CMIP: variants seen among roughly 807,000 people sequenced by gnomAD.
CMIP encodes the protein C-Maf-inducing protein.
Under a neutral mutation model 97.3 loss-of-function variants are expected in CMIP, and 13 were observed. The observed-to-expected ratio is 0.13, with a 90% CI of 0.09 to 0.21. The LOEUF (loss-of-function observed/expected upper bound fraction) is 0.21, where lower values mean the gene tolerates loss of function less well. Among genes scored for constraint, CMIP ranks in the 10% least tolerant of loss-of-function variants. The pLI, the probability that CMIP is intolerant of heterozygous loss-of-function variation, is 1.00. For synonymous variants in CMIP, 538 were observed against 436.3 expected (o/e 1.23, Z -2.91); for missense variants, 847 against 1,024.9 (o/e 0.83, Z 2.37).
chr16:81,594,933 A>G (rs1368880208), intron 1 of CMIP, among the ~76,000 whole-genome samples: 1 of 151,842 alleles, frequency 6.6e-6, no homozygotes, highest in African/African-American at 2.4e-5. Flanking sequence ...GCCCGGCCAT[A>G]CCTATGATAA....
intron 1 of CMIP, among the ~76,000 whole-genome samples, chr16:81,474,708 G>T (rs1369246892): frequency 6.6e-6 from 1 of 152,220 alleles, no homozygotes; most frequent in Non-Finnish European, 1.5e-5. Context: ...AGTGTTGGCC[G>T]TGCTCATGGC....
At chr16:81,611,092 A>G (rs956408374) in intron 2 of CMIP, among the ~76,000 whole-genome samples, 2 of 152,218 alleles carry the variant, frequency 1.3e-5, no homozygotes, top group Non-Finnish European at 2.9e-5. Context: ...ATGGCAGCCC[A>G]CAGATGGATT....
intron 1 of CMIP, among the ~76,000 whole-genome samples, chr16:81,550,548 T>C (rs897504138): frequency 3.3e-5 from 5 of 152,176 alleles, no homozygotes; most frequent in Non-Finnish European, 7.4e-5. Context: ...CGTCAAAGAA[T>C]GTCTATGTGG....
At chr16:81,555,690 G>A (rs2090748416) in intron 1 of CMIP, among the ~76,000 whole-genome samples, 1 of 152,156 alleles carries the variant, frequency 6.6e-6, no homozygotes, top group African/African-American at 2.4e-5. Flanking sequence ...CCCCACCAGG[G>A]TATACTGTGC....
At position 81,614,332 on chromosome 16, in the gene CMIP, A is replaced by C. The variant is rs2091878307; in HGVS notation, c.427-6544A>C. On this transcript the variant is annotated intron_variant, in intron 2 of 20. Coordinates refer to ENST00000537098, the MANE Select transcript of CMIP (RefSeq NM_198390.3). The surrounding 1 kb of genome is among the most constrained non-coding windows in gnomAD (Gnocchi z 5.3). ...TGTTTCTAACTTGTGCTGTGTGTCC[A>C]CCATGGGCCAGTGGGGGAAGGGAGT... Among the ~76,000 whole-genome samples, 1 of 152,188 alleles carries C rather than the reference A, an allele frequency of 6.6e-6. No individual in the cohort carries two copies. The highest frequency in any genetic ancestry group is 6.5e-5 in the Admixed American group (1 of 15,276).
At chr16:81,630,169 A>T (rs1269562176) in intron 3 of CMIP, 3 of 152,238 alleles carry the variant, frequency 2.0e-5, no homozygotes, top group African/African-American at 7.2e-5. Context: ...CGGGGATTAA[A>T]TGGGTTCACA....
At chr16:81,497,231 C>T (rs1436764837) in intron 1 of CMIP, among the ~76,000 whole-genome samples, 2 of 152,200 alleles carry the variant, frequency 1.3e-5, no homozygotes, top group Non-Finnish European at 2.9e-5. Context: ...GCTCTGATGG[C>T]TCCCATTTAT....
intron 1 of CMIP, among the ~76,000 whole-genome samples, chr16:81,604,531 C>G (rs1253158810): frequency 6.6e-6 from 1 of 151,872 alleles, no homozygotes; most frequent in Non-Finnish European, 1.5e-5. Context: ...AACCCCATCT[C>G]TACTAAAAAT....
At chr16:81,576,965 A>G (rs2091199587) in intron 1 of CMIP, among the ~76,000 whole-genome samples, 1 of 152,130 alleles carries the variant, frequency 6.6e-6, no homozygotes, top group South Asian at 2.1e-4. Context: ...CACTGTCATC[A>G]TCACCACCAC....
At chr16:81,618,340 C>G (rs1215488897) in intron 2 of CMIP, among the ~76,000 whole-genome samples, 1 of 152,180 alleles carries the variant, frequency 6.6e-6, no homozygotes, top group Admixed American at 6.5e-5. Flanking sequence ...TGACTCTGCC[C>G]TCCTGCCTCC....
At chr16:81,587,531 C>T (rs115410652) in intron 1 of CMIP, among the ~76,000 whole-genome samples, 6 of 152,292 alleles carry the variant, frequency 3.9e-5, no homozygotes, top group South Asian at 4.1e-4. Flanking sequence ...ATCCCCATCA[C>T]GGTAAAGCTT....
rs546250918 is a variant in CMIP, at chr16:81,657,388, T to C, written c.640-387T>C. Among the ~76,000 whole-genome samples the C allele has an allele frequency of 2.1e-4, 32 of 152,304 alleles. No individual in the cohort carries two copies. The South Asian group carries it at 6.0e-3, about 29-fold the overall frequency. On this transcript the variant is annotated intron_variant, in intron 4 of 20. Coordinates refer to ENST00000537098, the MANE Select transcript of CMIP (RefSeq NM_198390.3). ...AAAGGTCTGTTTCTTTACATACTTA[T>C]TATGAACCTGCCTTCTGGCTTCTAA...
At chr16:81,601,749 G>C (rs1174921289) in intron 1 of CMIP, among the ~76,000 whole-genome samples, 35 of 152,098 alleles carry the variant, frequency 2.3e-4, no homozygotes, top group Non-Finnish European at 2.9e-5. Flanking sequence ...CGTCCCCCGG[G>C]GCCAGAACCC....
In CMIP at chr16:81,655,525, C is replaced by G. The variant is rs1351076313; in HGVS notation, c.640-2250C>G. Among the ~76,000 whole-genome samples the G allele has an allele frequency of 6.6e-6, 1 of 152,154 alleles. No homozygotes were observed. The highest frequency in any genetic ancestry group is 1.5e-5 in the Non-Finnish European group (1 of 68,024). ...AGTGGCTATTGGTGGACATGCTCTACCAGGGGTGGAAAATGGCCCTGGGGG... is the reference window on the plus strand; with the variant it reads ...AGTGGCTATTGGTGGACATGCTCTAGCAGGGGTGGAAAATGGCCCTGGGGG... On this transcript the variant is annotated intron_variant, in intron 4 of 20. Transcript: ENST00000537098. The surrounding 1 kb of genome is among the most constrained non-coding windows in gnomAD (Gnocchi z 4.9).
intron 9 of CMIP, among the ~76,000 whole-genome samples, chr16:81,674,367 G>C (rs150798819): frequency 0.011 from 1,719 of 152,248 alleles, 31 homozygotes; most frequent in African/African-American, 0.039. Flanking sequence ...TCCTGACCTC[G>C]TGATCCACCC....
chr16:81,600,778 G>C (rs2091644386), intron 1 of CMIP, among the ~76,000 whole-genome samples: 1 of 152,178 alleles, frequency 6.6e-6, no homozygotes, highest in Non-Finnish European at 1.5e-5. Context: ...ATGCAGCCAG[G>C]GGAGGTGGGG....
At chr16:81,705,643 T>C in intron 19 of CMIP, 39 bp downstream of exon 19, 1 of 1,344,548 alleles carries the variant, frequency 7.4e-7, no homozygotes, top group Non-Finnish European at 1.0e-6. Flanking sequence ...GAGGGGCCGC[T>C]TGATTCATTC....
intron 1 of CMIP, among the ~76,000 whole-genome samples, chr16:81,605,994 C>CA (rs1211076502): frequency 6.6e-6 from 1 of 152,240 alleles, no homozygotes; most frequent in Non-Finnish European, 1.5e-5. Flanking sequence ...CTTCAGCCAT[C>CA]AACCCTCTCT....
chr16:81,548,939 C>G (rs1209961785), intron 1 of CMIP, among the ~76,000 whole-genome samples: 2 of 152,244 alleles, frequency 1.3e-5, no homozygotes, highest in Non-Finnish European at 1.5e-5. Context: ...CTCCTTCATT[C>G]TCATAGCAAC....
Sources: gnomAD v4.1 joint callset for allele counts (sites outside exome capture counted in the v4.1 genomes callset) on GRCh38, gnomAD v4.1.1 for gene constraint, Gnocchi (gnomAD v3.1) non-coding constraint, MANE v1.5 for transcripts, NCBI Gene and HGNC (gene_info 2026-07-23, HGNC 2026-07-21) for gene names.